The following ADGRL2 variants were observed in gnomAD, a reference collection of about 807,000 sequenced individuals.
ADGRL2 encodes adhesion G protein-coupled receptor L2, also known as calcium-independent alpha-latrotoxin receptor 2.
Under a neutral mutation model 157.4 loss-of-function variants are expected in ADGRL2, and 44 were observed. The ratio of observed to expected loss-of-function variants is 0.28; its 90% CI spans 0.22 to 0.36. The LOEUF is 0.36. Ranked by LOEUF, ADGRL2 falls within the 10% of genes least tolerant of loss-of-function variation. The probability of loss-of-function intolerance (pLI) is 1.00; values close to 1 mark genes in which losing one functional copy is unlikely to be tolerated. For synonymous variants in ADGRL2, 585 were observed against 624.7 expected, an observed-to-expected ratio of 0.94 and a Z score of 0.95; for missense variants, 1,510 against 1,768.9, an observed-to-expected ratio of 0.85 and a Z score of 2.63.
At chr1:81,578,111 A>G (rs781145521) in intron 2 of ADGRL2, among the ~76,000 whole-genome samples, 5 of 152,206 alleles carry the variant, frequency 3.3e-5, no homozygotes, top group Non-Finnish European at 5.9e-5. Flanking sequence ...ACAGTGACTT[A>G]GAAAACAACA....
At chr1:81,369,409 C>T (rs1162375855) in intron 1 of ADGRL2, among the ~76,000 whole-genome samples, 2 of 152,118 alleles carry the variant, frequency 1.3e-5, no homozygotes, top group Non-Finnish European at 2.9e-5. Context: ...TATGTAAATA[C>T]ATATACTTCT....
Position 81,746,993 on chromosome 1 carries a change from TATATACGTG to T in ADGRL2, c.-142-14817_-142-14809del, listed in dbSNP as rs1428301804. ...ACGTATACACACGTGTGTATATACGTATATACGTGTATACACACGTATGTATACACGTGT... is the reference window on the plus strand; with the variant it reads ...ACGTATACACACGTGTGTATATACGTTATACACACGTATGTATACACGTGT... On this transcript the variant is annotated intron_variant, in intron 1 of 20. Transcript: ENST00000359929. Among the ~76,000 whole-genome samples, 8 of 147,980 alleles carry T rather than the reference TATATACGTG, an allele frequency of 5.4e-5. No homozygotes were observed. The South Asian group carries it at 1.1e-3, about 19-fold the overall frequency.
At chr1:81,470,354 G>GCTTCTATC (rs199558270) in intron 2 of ADGRL2, among the ~76,000 whole-genome samples, 1,549 of 152,170 alleles carry the variant, frequency 0.01, 29 homozygotes, top group East Asian at 0.065. Context: ...CATTATCCCT[G>GCTTCTATC]CTTCTATCCC....
intron 2 of ADGRL2, among the ~76,000 whole-genome samples, chr1:81,486,750 A>G (rs1428420979): frequency 6.6e-6 from 1 of 152,178 alleles, no homozygotes; most frequent in Non-Finnish European, 1.5e-5. Flanking sequence ...TGCTTTGGAC[A>G]TATAAGTTAG....
intron 2 of ADGRL2, among the ~76,000 whole-genome samples, chr1:81,555,692 G>GTCAA (rs2080258706): frequency 6.6e-6 from 1 of 152,138 alleles, no homozygotes; most frequent in Non-Finnish European, 1.5e-5. Context: ...AGGTTAAGTA[G>GTCAA]TCAATGATCA....
At position 81,788,102 on chromosome 1, in the gene ADGRL2, A is replaced by T. The variant is rs1276394248; in HGVS notation, c.-101+26250A>T. Among the ~76,000 whole-genome samples, 5 of 152,238 alleles carry T rather than the reference A, an allele frequency of 3.3e-5. No homozygotes were observed. The South Asian group carries it at 1.0e-3, about 32-fold the overall frequency. ...TTTCCTTTAATGCCACCATTAAAATAGAACATAAAACATTACACAAATGGA... is the reference window on the plus strand; with the variant it reads ...TTTCCTTTAATGCCACCATTAAAATTGAACATAAAACATTACACAAATGGA... On this transcript the variant is annotated intron_variant, in intron 2 of 20. Coordinates refer to the ADGRL2 transcript ENST00000359929.
At chr1:81,805,643 G>A (rs1456264620) in intron 1 of ADGRL2, among the ~76,000 whole-genome samples, 1 of 141,188 alleles carries the variant, frequency 7.1e-6, no homozygotes, top group Non-Finnish European at 1.5e-5. Flanking sequence ...CATTGAGATT[G>A]TATATCATTA....
chr1:81,462,413 G>A (rs138794720), intron 2 of ADGRL2, among the ~76,000 whole-genome samples: 2 of 152,002 alleles, frequency 1.3e-5, no homozygotes, highest in Non-Finnish European at 2.9e-5. Flanking sequence ...AACACTCACC[G>A]TGAGGGTCTG....
intron 3 of ADGRL2, among the ~76,000 whole-genome samples, chr1:81,643,130 G>T (rs993198709): frequency 3.3e-5 from 5 of 152,126 alleles, no homozygotes. Flanking sequence ...TGGGAAGGAA[G>T]AAATAAAGCT....
intron 2 of ADGRL2, among the ~76,000 whole-genome samples, chr1:81,505,740 C>CAAAAAAA (rs59062091): frequency 3.5e-5 from 3 of 85,082 alleles, no homozygotes; most frequent in African/African-American, 4.2e-5. Context: ...TGTCCTCCTG[C>CAAAAAAA]AAAAAAAAAA....
intron 1 of ADGRL2, among the ~76,000 whole-genome samples, chr1:81,383,408 G>A (rs1387063454): frequency 6.6e-6 from 1 of 152,044 alleles, no homozygotes; most frequent in East Asian, 1.9e-4. Flanking sequence ...AACGGAATGA[G>A]GAATAGATAG....
intron 1 of ADGRL2, among the ~76,000 whole-genome samples, chr1:81,333,190 C>T (rs748516129): frequency 2.6e-5 from 4 of 152,058 alleles, no homozygotes; most frequent in Non-Finnish European, 5.9e-5. Context: ...ACAGAGGGAC[C>T]CAAAGAGAAA....
At chr1:81,800,317 G>A (rs1048655591), upstream of ADGRL2, 2 of 152,160 alleles carry the variant, frequency 1.3e-5, no homozygotes, top group Non-Finnish European at 2.9e-5. Flanking sequence ...TCATTAACGA[G>A]CGCGCCGGAA....
chr1:81,465,560 CATT>C (rs1329870289), intron 2 of ADGRL2, among the ~76,000 whole-genome samples: 1 of 151,896 alleles, frequency 6.6e-6, no homozygotes, highest in East Asian at 1.9e-4. Flanking sequence ...GTAGATTTTT[CATT>C]ATTGAGATCA....
intron 3 of ADGRL2, among the ~76,000 whole-genome samples, chr1:81,584,646 T>A (rs2080986879): frequency 6.6e-6 from 1 of 152,168 alleles, no homozygotes; most frequent in Non-Finnish European, 1.5e-5. Context: ...TTAAAAGTGA[T>A]GCACTCCTAT....
intron 1 of ADGRL2, among the ~76,000 whole-genome samples, chr1:81,406,021 T>C (rs138574945): frequency 1.9e-4 from 29 of 152,342 alleles, no homozygotes; most frequent in Admixed American, 4.6e-4. Flanking sequence ...TGTAATTATC[T>C]TGAAAAAGTT....
At chr1:81,436,538 T>A (rs916899712) in intron 1 of ADGRL2, among the ~76,000 whole-genome samples, 1 of 152,274 alleles carries the variant, frequency 6.6e-6, no homozygotes, top group Non-Finnish European at 1.5e-5. Flanking sequence ...TATGGCTCTT[T>A]GTTCCCAAGT....
At chr1:81,912,185 C>G (rs2094743784) in intron 3 of ADGRL2, among the ~76,000 whole-genome samples, 1 of 151,990 alleles carries the variant, frequency 6.6e-6, no homozygotes, top group Admixed American at 6.6e-5. Flanking sequence ...AATTCCCCAG[C>G]CTCAGCCTCC....
At chr1:81,847,641 G>T (rs709706) in intron 2 of ADGRL2, among the ~76,000 whole-genome samples, 2 of 151,988 alleles carry the variant, frequency 1.3e-5, no homozygotes, top group South Asian at 4.1e-4. Context: ...GACCTTTTAT[G>T]TGGTGAGTTG....
Sources: gnomAD v4.1 joint callset for allele counts (sites outside exome capture counted in the v4.1 genomes callset) on GRCh38, gnomAD v4.1.1 for gene constraint, MANE v1.5 for transcripts, NCBI Gene and HGNC (gene_info 2026-07-23, HGNC 2026-07-21) for gene names.